AMER2: variants seen among roughly 807,000 people sequenced by gnomAD.
AMER2 encodes the protein family with sequence similarity 123A.
Under a neutral mutation model 4.7 loss-of-function variants are expected in AMER2, and 1 was observed. The observed-to-expected ratio is 0.21, with a 90% CI of 0.07 to 1.00. AMER2 has a LOEUF of 1.00. Among genes scored for constraint, AMER2 ranks in the 50% least tolerant of loss-of-function variants. The pLI is 0.60. For missense variants in AMER2, 988 were observed against 966.9 expected, an observed-to-expected ratio of 1.02 and a Z score of -0.29; for synonymous variants, 485 against 433.3, an observed-to-expected ratio of 1.12 and a Z score of -1.48.
rs1290715159 is a variant in AMER2 at position 25,166,267 on chromosome 13, GATAAA to G, written c.*3332_*3336del. 5 of 152,136 alleles carry G rather than the reference GATAAA, an allele frequency of 3.3e-5. No individual in the cohort carries two copies. In the South Asian group the frequency reaches 6.2e-4, roughly 19 times the overall value. The allele number at this position is 152,136 out of a possible 1,614,324, so 9.4% of individuals were successfully genotyped here. A position where few individuals can be genotyped will look rare whatever the true frequency, so the allele number is the denominator to read the frequency against. On this transcript the variant is annotated 3_prime_UTR_variant, in exon 1 of 1. Coordinates refer to ENST00000515384, the MANE Select transcript of AMER2 (RefSeq NM_152704.4). ...ATTCTATATTCCATTGTTGTTATTA[GATAAA>G]ATAAAATGTATCTAGAGGAAGTCCT...
In AMER2 at chr13:25,170,953, C is replaced by T. The variant is rs915118590; in HGVS notation, c.667G>A (p.Gly223Ser). 10 of 1,532,268 alleles carry T rather than the reference C, an allele frequency of 6.5e-6. No individual in the cohort carries two copies. The highest frequency in any genetic ancestry group is 1.9e-5 in the Admixed American group (1 of 51,484). The allele number at this position is 1,532,268 out of a possible 1,614,324, so 94.9% of individuals were successfully genotyped here. Reference sequence around the variant, plus strand: ...GTGAGCGAGCCGGGTAGGATCAAGCCGCCCCCGGGCGCGCGCCCCTCCGCG... The same window carrying T: ...GTGAGCGAGCCGGGTAGGATCAAGCTGCCCCCGGGCGCGCGCCCCTCCGCG... The part of the protein sequence containing the change: ...EAAEGRAPGG[G>S]LILPGSLTAS... Residue 223 changes from glycine to serine, a missense_variant, in exon 1 of 1, where the codon GGC (glycine) becomes AGC (serine). Physicochemically the swap from Gly to Ser is moderately conservative, Grantham distance 56. Coordinates refer to ENST00000515384, the MANE Select transcript of AMER2 (RefSeq NM_152704.4). This position sits in a 1 kb window ranked among gnomAD's most constrained non-coding sequence, Gnocchi z 7.3.
rs1472948195 is a variant in AMER2, at chr13:25,166,242, AT to A, written c.*3361del. 1 of 152,344 alleles carries A rather than the reference AT, an allele frequency of 6.6e-6. No homozygotes were observed. Among genetic ancestry groups the A allele is most frequent in the East Asian group, 1.9e-4 (1 of 5,192 alleles). The allele number at this position is 152,344 out of a possible 1,614,324, so 9.4% of individuals were successfully genotyped here. ...AATGTATCTAAAGGAAGTCCTTTGT[AT>A]TCTATATTCCATTGTTGTTATTAGA... On this transcript the variant is annotated 3_prime_UTR_variant, in exon 1 of 1. Coordinates refer to ENST00000515384, the MANE Select transcript of AMER2 (RefSeq NM_152704.4).
Position 25,170,335 on chromosome 13 carries a change from C to T in AMER2, c.1285G>A (p.Asp429Asn), listed in dbSNP as rs755019524. The T allele has an allele frequency of 2.5e-6, 4 of 1,613,964 alleles. No individual in the cohort carries two copies. Among genetic ancestry groups the T allele is most frequent in the Non-Finnish European group, 8.5e-7 (1 of 1,180,042 alleles). Residue 429 changes from aspartate to asparagine, a missense_variant, in exon 1 of 1, where the codon GAC becomes AAC. Coordinates refer to ENST00000515384, the MANE Select transcript of AMER2 (RefSeq NM_152704.4). The surrounding 1 kb of genome is among the most constrained non-coding windows in gnomAD (Gnocchi z 7.3). ...QGGGEEMASP[D>N]EVDDTYLQEF... The stretch of plus-strand genomic sequence containing the variant: ...TGTAGATAGGTGTCGTCCACCTCGT[C>T]CGGGCTGGCCATCTCTTCCCCGCCT...
Position 25,169,879 on chromosome 13 carries a change from G to C in AMER2, c.1741C>G (p.Leu581Val), listed in dbSNP as rs1364220068. The change falls in exon 1 of 1, where the codon CTG becomes GTG. Residue 581 changes from leucine (L) to valine (V), a missense_variant. By Grantham distance (32) the Leu-to-Val change is conservative. Transcript: ENST00000515384. The surrounding 1 kb of genome is among the most constrained non-coding windows in gnomAD (Gnocchi z 4.2). Reference protein sequence around the residue: ...GGKDNEETSSLSRLKPVSPGT... With the variant: ...GGKDNEETSSVSRLKPVSPGT... ...GGAGATACGGGCTTTAACCGGGACA[G>C]GGAGGACGTCTCCTCGTTGTCCTTC... The C allele has an allele frequency of 3.7e-6, 6 of 1,614,192 alleles. No individual in the cohort carries two copies. The highest frequency in any genetic ancestry group is 5.1e-6 in the Non-Finnish European group (6 of 1,180,022).
In AMER2 at chr13:25,170,758, C is replaced by T. The variant is rs183245278; in HGVS notation, c.862G>A (p.Ala288Thr). The change falls in exon 1 of 1, where the codon GCG becomes ACG. Residue 288 changes from alanine to threonine, a missense_variant. Transcript: ENST00000515384. This position sits in a 1 kb window ranked among gnomAD's most constrained non-coding sequence, Gnocchi z 7.3. The stretch of plus-strand genomic sequence containing the variant: ...CGGGCGCCGGTGTCGCCGGGGTGCG[C>T]GAGGCCCTCTGCCTCTCGGCAGCTC... ...ARSCREAEGL[A>T]HPGDTGARGE... 7 of 1,394,022 alleles carry T rather than the reference C, an allele frequency of 5.0e-6. No individual in the cohort carries two copies. Among genetic ancestry groups the T allele is most frequent in the Middle Eastern group, 2.6e-4 (1 of 3,916 alleles). The allele number at this position is 1,394,022 out of a possible 1,614,324, so 86.4% of individuals were successfully genotyped here. A position where few individuals can be genotyped will look rare whatever the true frequency, so the allele number is the denominator to read the frequency against.
Position 25,164,478 on chromosome 13 carries a change from T to C in AMER2, c.*5126A>G, listed in dbSNP as rs1264676133. The C allele has an allele frequency of 6.7e-6, 1 of 149,784 alleles. No homozygotes were observed. The highest frequency in any genetic ancestry group is 1.5e-5 in the Non-Finnish European group (1 of 67,772). The allele number at this position is 149,784 out of a possible 1,614,324, so 9.3% of individuals were successfully genotyped here. A position where few individuals can be genotyped will look rare whatever the true frequency, so the allele number is the denominator to read the frequency against. ...GCTGCGTGGACATGGGTTAGCTCTT[T>C]CTATTAGAAGTGAGCTGACAATGAC... On this transcript the variant is annotated 3_prime_UTR_variant, in exon 1 of 1. Transcript: ENST00000515384.
At position 25,169,661 on chromosome 13, in the gene AMER2, G is replaced by A. The variant is rs763385825; in HGVS notation, c.1959C>T (p.Gly653=). 1.9e-6 allele frequency: 3 copies of A among 1,612,734 alleles called. No individual in the cohort carries two copies. The highest frequency in any genetic ancestry group is 1.1e-5 in the South Asian group (1 of 90,764). The change falls in exon 1 of 1, where the codon GGC becomes GGT. Residue 653 remains glycine (G), a synonymous_variant. Transcript: ENST00000515384. The surrounding 1 kb of genome is among the most constrained non-coding windows in gnomAD (Gnocchi z 4.2). ...KVLVRRVSNR[G]LAGTTIRATA... is the part of the protein sequence containing the mutation. ...TTGCTCTGATGGTGGTCCCAGCCAA[G>A]CCCCGGTTGCTGACTCTGCGGACCA...
chr13:25,171,082 G>C lies in AMER2; in HGVS notation c.538C>G (p.Pro180Ala). The C allele has an allele frequency of 6.4e-7, 1 of 1,573,160 alleles. No individual in the cohort carries two copies. Among genetic ancestry groups the C allele is most frequent in the Non-Finnish European group, 8.6e-7 (1 of 1,161,040 alleles). The change falls in exon 1 of 1, where the codon CCT becomes GCT. Residue 180 changes from proline (P) to alanine (A), a missense_variant. Transcript: ENST00000515384. This position sits in a 1 kb window ranked among gnomAD's most constrained non-coding sequence, Gnocchi z 5.9. ...NGRSENGKGE[P>A]VDASKAGGKQ... ...CCGCCGGCCTTGCTCGCGTCCACAG[G>C]CTCTCCCTTGCCGTTTTCCGAGCGC...
chr13:25,164,521 T>TC lies in AMER2; in HGVS notation c.*5082dup, dbSNP rs1377974926. 1 of 146,490 alleles carries TC rather than the reference T, an allele frequency of 6.8e-6. No individual in the cohort carries two copies. Among genetic ancestry groups the TC allele is most frequent in the Non-Finnish European group, 1.5e-5 (1 of 67,034 alleles). The allele number at this position is 146,490 out of a possible 1,614,324, so 9.1% of individuals were successfully genotyped here. On this transcript the variant is annotated 3_prime_UTR_variant, in exon 1 of 1. Transcript: ENST00000515384. ...ACAATGACACTAAGCAGTGCTTAGCTCTCTATTACTGAAAATCACTAAAGA... is the reference window on the plus strand; with the variant it reads ...ACAATGACACTAAGCAGTGCTTAGCTCCTCTATTACTGAAAATCACTAAAGA...
At position 25,171,472 on chromosome 13, in the gene AMER2, C is replaced by G. The variant is rs761058309; in HGVS notation, c.148G>C (p.Ala50Pro). ...GGCTCGGCGGCCGGCGTTTCGGCGG[C>G]ACAGTCACAATGCAAGTCCATGTCT... ...AADMDLHCDC[A>P]AETPAAEPPS... The change falls in exon 1 of 1, where the codon GCC becomes CCC. Residue 50 changes from alanine to proline, a missense_variant. Transcript: ENST00000515384. The surrounding 1 kb of genome is among the most constrained non-coding windows in gnomAD (Gnocchi z 5.9). 8 of 1,610,032 alleles carry G rather than the reference C, an allele frequency of 5.0e-6. No homozygotes were observed. In the African/African-American group the frequency reaches 9.4e-5, roughly 19 times the overall value.
rs796566340 is a variant in AMER2 at position 25,170,282 on chromosome 13, G to A, written c.1338C>T (p.Thr446=). The part of the protein sequence containing the change: ...LQEFWDMLSQ[T]EEQGPEPQEG... The stretch of plus-strand genomic sequence containing the variant: ...CCTGGGGCTCGGGTCCCTGCTCCTC[G>A]GTCTGGGAGAGCATGTCCCAGAACT... The change falls in exon 1 of 1, where the codon ACC becomes ACT. Residue 446 remains threonine, a synonymous_variant. Transcript: ENST00000515384. This position sits in a 1 kb window ranked among gnomAD's most constrained non-coding sequence, Gnocchi z 7.3. The A allele has an allele frequency of 5.0e-6, 8 of 1,613,514 alleles. No homozygotes were observed. The African/African-American group carries it at 1.1e-4, about 22-fold the overall frequency.
In AMER2 at chr13:25,167,738, T is replaced by C. The variant is rs1452444968; in HGVS notation, c.*1866A>G. ...AGCAAACCTCTCCTAATTGAATCAC[T>C]GCAAATTTAAAATGGGGAATGGCCT... On this transcript the variant is annotated 3_prime_UTR_variant, in exon 1 of 1. Coordinates refer to ENST00000515384, the MANE Select transcript of AMER2 (RefSeq NM_152704.4). 6.6e-6 allele frequency: 1 copy of C among 152,224 alleles called. No individual in the cohort carries two copies. Among genetic ancestry groups the C allele is most frequent in the African/African-American group, 2.4e-5 (1 of 41,478 alleles). 9.4% of individuals were successfully genotyped at this position (152,224 alleles called of 1,614,324 possible). A position where few individuals can be genotyped will look rare whatever the true frequency, so the allele number is the denominator to read the frequency against.
chr13:25,163,216 A>T lies in AMER2; in HGVS notation c.*6388T>A, dbSNP rs961746797. 6.6e-6 allele frequency: 1 copy of T among 152,274 alleles called. No homozygotes were observed. Among genetic ancestry groups the T allele is most frequent in the African/African-American group, 2.4e-5 (1 of 41,470 alleles). The allele number at this position is 152,274 out of a possible 1,614,324, so 9.4% of individuals were successfully genotyped here. A position where few individuals can be genotyped will look rare whatever the true frequency, so the allele number is the denominator to read the frequency against. On this transcript the variant is annotated 3_prime_UTR_variant, in exon 1 of 1. Coordinates refer to ENST00000515384, the MANE Select transcript of AMER2 (RefSeq NM_152704.4). The stretch of plus-strand genomic sequence containing the variant: ...TTGGAACCCTTGTGCACCATTGGTA[A>T]GTATGTAAACAGATGCAACCACTGT...
In AMER2 at chr13:25,167,253, C is replaced by T. The variant is rs537160295; in HGVS notation, c.*2351G>A. On this transcript the variant is annotated 3_prime_UTR_variant, in exon 1 of 1. Transcript: ENST00000515384. ...CTGTACAATTGAACAAATGAACCAA[C>T]ATAACTTTGCCATGGATTCATGCAA... The T allele has an allele frequency of 6.6e-5, 10 of 152,158 alleles. No homozygotes were observed. The highest frequency in any genetic ancestry group is 2.9e-5 in the Non-Finnish European group (2 of 67,992). The allele number at this position is 152,158 out of a possible 1,614,324, so 9.4% of individuals were successfully genotyped here.
Position 25,163,782 on chromosome 13 carries a change from G to C in AMER2, c.*5822C>G, listed in dbSNP as rs1423492295. 1 of 151,912 alleles carries C rather than the reference G, an allele frequency of 6.6e-6. No homozygotes were observed. The highest frequency in any genetic ancestry group is 1.5e-5 in the Non-Finnish European group (1 of 67,984). The allele number at this position is 151,912 out of a possible 1,614,324, so 9.4% of individuals were successfully genotyped here. A position where few individuals can be genotyped will look rare whatever the true frequency, so the allele number is the denominator to read the frequency against. ...TTTGCTGTACAACACTGTGGCTATA[G>C]TTAACAATACTGTATTGTGTACTTA... On this transcript the variant is annotated 3_prime_UTR_variant, in exon 1 of 1. Coordinates refer to ENST00000515384, the MANE Select transcript of AMER2 (RefSeq NM_152704.4).
At position 25,165,814 on chromosome 13, in the gene AMER2, T is replaced by A. The variant is rs1302431355; in HGVS notation, c.*3790A>T. The A allele has an allele frequency of 6.6e-6, 1 of 152,174 alleles. No individual in the cohort carries two copies. The highest frequency in any genetic ancestry group is 1.9e-4 in the East Asian group (1 of 5,192). 9.4% of individuals were successfully genotyped at this position (152,174 alleles called of 1,614,324 possible). The stretch of plus-strand genomic sequence containing the variant: ...ATATATTTGTAATTCAGGAGAAAAA[T>A]TCAGATAACTAACAGCAGGGAATGC... On this transcript the variant is annotated 3_prime_UTR_variant, in exon 1 of 1. Transcript: ENST00000515384.
rs1956547636 is a variant in AMER2, at chr13:25,170,651, C to T, written c.969G>A (p.Gly323=). Residue 323 remains glycine (G), a synonymous_variant, in exon 1 of 1, where the codon GGG becomes GGA. Transcript: ENST00000515384. The surrounding 1 kb of genome is among the most constrained non-coding windows in gnomAD (Gnocchi z 7.3). ...GGGGGACCGTCTTTACGGGAACGGC[C>T]CCCGTCCTGGAAGCGTCCTCTGCCG... ...VRTAEDASRT[G]AVPVKTVPLV... The T allele has an allele frequency of 1.3e-6, 2 of 1,551,900 alleles. No individual in the cohort carries two copies. Among genetic ancestry groups the T allele is most frequent in the Admixed American group, 2.0e-5 (1 of 50,992 alleles).
rs768589022 is a variant in AMER2 at position 25,170,995 on chromosome 13, G to C, written c.625C>G (p.Arg209Gly). ...CCCTCCGCGGCCTCCGCCTTGGCCC[G>C]CTTGTCTTTCCTGTGCCAGCGCATG... ...SGMRWHRKDK[R>G]AKAEAAEGRA... The change falls in exon 1 of 1, where the codon CGG becomes GGG. Residue 209 changes from arginine to glycine, a missense_variant. Arg to Gly is a moderately radical substitution (Grantham distance 125). Coordinates refer to ENST00000515384, the MANE Select transcript of AMER2 (RefSeq NM_152704.4). This position sits in a 1 kb window ranked among gnomAD's most constrained non-coding sequence, Gnocchi z 7.3. 2 of 1,563,824 alleles carry C rather than the reference G, an allele frequency of 1.3e-6. No individual in the cohort carries two copies. The highest frequency in any genetic ancestry group is 1.7e-6 in the Non-Finnish European group (2 of 1,156,712).
In AMER2 at chr13:25,171,611, C is replaced by A. The variant is rs776438191; in HGVS notation, c.9G>T (p.Thr3=). ...CCCCGCCGCCGCCGCGGCTCCGGCT[C>A]GTCTCCATGGAAACCGCGCGGGATA... ME[T]SRSRGGGGAV... Residue 3 remains threonine (T), a synonymous_variant, in exon 1 of 1, where the codon ACG becomes ACT. Coordinates refer to ENST00000515384, the MANE Select transcript of AMER2 (RefSeq NM_152704.4). This position sits in a 1 kb window ranked among gnomAD's most constrained non-coding sequence, Gnocchi z 5.9. The A allele has an allele frequency of 1.2e-5, 18 of 1,488,514 alleles. No individual in the cohort carries two copies. Among genetic ancestry groups the A allele is most frequent in the Non-Finnish European group, 1.6e-5 (18 of 1,133,170 alleles). 92.2% of individuals were successfully genotyped at this position (1,488,514 alleles called of 1,614,324 possible). A position where few individuals can be genotyped will look rare whatever the true frequency, so the allele number is the denominator to read the frequency against.
Sources: allele counts gnomAD v4.1 joint callset, GRCh38; gene constraint gnomAD v4.1.1; non-coding constraint Gnocchi (gnomAD v3.1); transcripts MANE v1.5; gene names NCBI Gene and HGNC (gene_info 2026-07-23, HGNC 2026-07-21).